MASP1: variants seen among roughly 807,000 people sequenced by gnomAD.
MASP1 encodes MBL associated serine protease 1, also known as mannan-binding lectin serine protease 1.
Under a neutral mutation model 77.1 loss-of-function variants are expected in MASP1, and 59 were observed. The ratio of observed to expected loss-of-function variants is 0.77; its 90% CI spans 0.62 to 0.95. The LOEUF (loss-of-function observed/expected upper bound fraction) is 0.95. Ranked by LOEUF, MASP1 falls within the 40% of genes least tolerant of loss-of-function variation. The pLI is 0.00. For missense variants in MASP1, 885 were observed against 912.9 expected (o/e 0.97, Z 0.39); for synonymous variants, 362 against 354.5 (o/e 1.02, Z -0.24).
chr3:187,275,846 G>A (rs1024061079), intron 2 of MASP1, among the ~76,000 whole-genome samples: 2 of 147,598 alleles, frequency 1.4e-5, no homozygotes, highest in African/African-American at 5.1e-5. Context: ...TTTCACAAAC[G>A]TAAAAAGTGG....
At chr3:187,223,038 C>T in intron 14 of MASP1, 5 of 1,235,502 alleles carry the variant, frequency 4.0e-6, no homozygotes, top group East Asian at 2.3e-5. Flanking sequence ...CCACCCAAGC[C>T]TCAAAATCCC....
chr3:187,247,250 G>A, intron 8 of MASP1: 8 of 1,612,184 alleles, frequency 5.0e-6, no homozygotes, highest in South Asian at 1.1e-5. Flanking sequence ...GTTGTGGGTG[G>A]GGAGGGGTGG....
rs1178702991 is a variant in MASP1, at chr3:187,236,463, C to T, written c.1408G>A (p.Glu470Lys). 1 of 1,614,022 alleles carries T rather than the reference C, an allele frequency of 6.2e-7. No homozygotes were observed. ...TCATTTGGCACTCTCGAAGTGTCCT[C>T]CACCACTATCAGGGCCTGCCACGGG... Reference protein sequence around the residue: ...LFPWQALIVVEDTSRVPNDKW... With the variant: ...LFPWQALIVVKDTSRVPNDKW... Residue 470 changes from glutamate to lysine, a missense_variant, in exon 11 of 11, where the codon GAG (glutamate) becomes AAG (lysine). Glu to Lys is a moderately conservative substitution (Grantham distance 56, BLOSUM62 1). Coordinates refer to ENST00000296280, the MANE Select transcript of MASP1 (RefSeq NM_139125.4).
At chr3:187,268,571 G>GAA (rs1309945067) in intron 2 of MASP1, among the ~76,000 whole-genome samples, 1 of 151,928 alleles carries the variant, frequency 6.6e-6, no homozygotes, top group Non-Finnish European at 1.5e-5. Context: ...GAAAAGAAAA[G>GAA]AAAGGAAGGA....
At chr3:187,251,587 A>C in intron 7 of MASP1, 47 bp downstream of exon 7, 2 of 1,524,814 alleles carry the variant, frequency 1.3e-6, no homozygotes, top group Non-Finnish European at 1.8e-6. Flanking sequence ...AGGTTTCGAG[A>C]GTTTCTGTGG....
intron 10 of MASP1, among the ~76,000 whole-genome samples, chr3:187,237,113 A>C (rs80124580): frequency 0.011 from 1,732 of 152,308 alleles, 30 homozygotes; most frequent in African/African-American, 0.039. Flanking sequence ...TCCATTTCCC[A>C]TGTAACTCTG....
chr3:187,286,447 T>C (rs1244837829), intron 1 of MASP1, among the ~76,000 whole-genome samples: 2 of 152,198 alleles, frequency 1.3e-5, no homozygotes, highest in Admixed American at 6.5e-5. Context: ...TCATACTGGG[T>C]GAGGCTTAAA....
intron 7 of MASP1, among the ~76,000 whole-genome samples, chr3:187,250,854 T>A (rs1055466464): frequency 9.2e-5 from 14 of 152,224 alleles, no homozygotes; most frequent in African/African-American, 3.4e-4. Flanking sequence ...AAGTCTGCTT[T>A]AACTGATCTC....
intron 4 of MASP1, among the ~76,000 whole-genome samples, chr3:187,259,416 C>A (rs1304259855): frequency 2.0e-5 from 3 of 152,034 alleles, no homozygotes; most frequent in African/African-American, 7.2e-5. Flanking sequence ...TGGGGAAGGT[C>A]TTGCTTTTTA....
intron 13 of MASP1, among the ~76,000 whole-genome samples, chr3:187,224,769 AG>A (rs1409114052): frequency 6.6e-6 from 1 of 152,182 alleles, no homozygotes; most frequent in Non-Finnish European, 1.5e-5. Flanking sequence ...TCCTGAAAAC[AG>A]GGGGCACTTT....
At chr3:187,265,447 C>G (rs1715937928) in intron 2 of MASP1, among the ~76,000 whole-genome samples, 1 of 152,142 alleles carries the variant, frequency 6.6e-6, no homozygotes, top group Admixed American at 6.5e-5. Context: ...ATGGTTATCA[C>G]CTGCAGAGCC....
intron 14 of MASP1, among the ~76,000 whole-genome samples, chr3:187,221,547 C>G (rs1219268454): frequency 3.9e-5 from 6 of 152,218 alleles, no homozygotes; most frequent in African/African-American, 1.4e-4. Flanking sequence ...TTTTCAGACT[C>G]TGAGACCCTT....
chr3:187,242,241 G>A, intron 9 of MASP1: 1 of 152,822 alleles, frequency 6.5e-6, no homozygotes, highest in African/African-American at 2.4e-5. Flanking sequence ...GCCAGGTGCA[G>A]TGGCTCACGC....
chr3:187,229,736 C>T (rs1210842560), downstream of MASP1: 2 of 1,613,468 alleles, frequency 1.2e-6, no homozygotes, highest in South Asian at 1.1e-5. Flanking sequence ...TCCTTAGCTT[C>T]CACCCCTTCC....
At position 187,260,118 on chromosome 3, in the gene MASP1, G is replaced by T. The variant is rs1166736050; in HGVS notation, c.547+623C>A. On this transcript the variant is annotated intron_variant, in intron 4 of 10. Coordinates refer to ENST00000296280, the MANE Select transcript of MASP1 (RefSeq NM_139125.4). ...GAGACCATAAGACACTTCACCATTTGCTTACATGCCCATTACCCCACTAGC... is the reference window on the plus strand; with the variant it reads ...GAGACCATAAGACACTTCACCATTTTCTTACATGCCCATTACCCCACTAGC... Among the ~76,000 whole-genome samples, 6 of 152,156 alleles carry T rather than the reference G, an allele frequency of 3.9e-5. No homozygotes were observed. In the South Asian group the frequency reaches 1.2e-3, roughly 32 times the overall value.
chr3:187,248,454 A>G (rs1714285308), intron 8 of MASP1, among the ~76,000 whole-genome samples: 2 of 152,216 alleles, frequency 1.3e-5, no homozygotes, highest in African/African-American at 4.8e-5. Context: ...CACTGATTAC[A>G]GCTGAGAGGG....
At chr3:187,230,487 A>G (rs1461317536), downstream of MASP1, among the ~76,000 whole-genome samples, 1 of 152,132 alleles carries the variant, frequency 6.6e-6, no homozygotes, top group Non-Finnish European at 1.5e-5. Context: ...TTTCCCCTTA[A>G]GCTGCTTATG....
intron 11 of MASP1, among the ~76,000 whole-genome samples, chr3:187,228,796 C>A (rs1712591175): frequency 6.6e-6 from 1 of 152,318 alleles, no homozygotes. Context: ...TTGAGTGAGA[C>A]CATTCATCTT....
chr3:187,247,256 G>A (rs1022523833), intron 8 of MASP1: 6 of 1,612,784 alleles, frequency 3.7e-6, no homozygotes, highest in Non-Finnish European at 5.1e-6. Flanking sequence ...GGTGGGGAGG[G>A]GTGGTGCAGC....
Sources: allele counts gnomAD v4.1 joint callset (sites outside exome capture counted in the v4.1 genomes callset), GRCh38; gene constraint gnomAD v4.1.1; transcripts MANE v1.5; gene names NCBI Gene and HGNC (gene_info 2026-07-23, HGNC 2026-07-21).